Variants in LRRIQ1 observed in about 807,000 individuals in gnomAD.
LRRIQ1 encodes the protein leucine rich repeats and IQ motif containing 1, also known as leucine-rich repeat- and IQ domain-containing protein 1.
In LRRIQ1, 210 loss-of-function variants were observed where a neutral mutation model predicts 211.9. The ratio of observed to expected loss-of-function variants is 0.99; its 90% confidence interval spans 0.89 to 1.11. The LOEUF is 1.11. Ranked by LOEUF, LRRIQ1 falls within the 50% of genes most tolerant of loss-of-function variation. The pLI is 0.00. For missense variants in LRRIQ1, 2,136 were observed against 1,939.5 expected, an observed-to-expected ratio of 1.10 and a Z score of -1.90; for synonymous variants, 699 against 650.1, an observed-to-expected ratio of 1.08 and a Z score of -1.14.
chr12:85,080,812 G>T (rs1884205094), intron 11 of LRRIQ1, among the ~76,000 whole-genome samples: 1 of 150,986 alleles, frequency 6.6e-6, no homozygotes, highest in African/African-American at 2.4e-5. Flanking sequence ...ATTTCCAGTG[G>T]GTAGTTTCTA....
At chr12:85,117,121 C>T (rs1315010984) in intron 15 of LRRIQ1, among the ~76,000 whole-genome samples, 1 of 152,250 alleles carries the variant, frequency 6.6e-6, no homozygotes, top group South Asian at 2.1e-4. Context: ...GTGTTGGAGG[C>T]ACACTATAAG....
chr12:85,227,380 T>C (rs531790706), intron 24 of LRRIQ1, among the ~76,000 whole-genome samples: 19 of 152,302 alleles, frequency 1.2e-4, no homozygotes, highest in African/African-American at 4.6e-4. Flanking sequence ...ACCCATTAAC[T>C]CGTCATTTAG....
chr12:85,106,207 C>T (rs1234435104), intron 14 of LRRIQ1, among the ~76,000 whole-genome samples: 1 of 152,128 alleles, frequency 6.6e-6, no homozygotes, highest in Non-Finnish European at 1.5e-5. Context: ...TTTGTGCTTA[C>T]AATCTGTCAC....
At chr12:85,098,694 T>A in intron 12 of LRRIQ1, 146 bp downstream of exon 12, 2 of 734,466 alleles carry the variant, frequency 2.7e-6, no homozygotes, top group Non-Finnish European at 4.2e-6. Flanking sequence ...TATTAAATAT[T>A]ATACAGTTAA....
At chr12:85,192,277 G>A (rs1892555204) in intron 24 of LRRIQ1, among the ~76,000 whole-genome samples, 1 of 149,144 alleles carries the variant, frequency 6.7e-6, no homozygotes, top group Non-Finnish European at 1.5e-5. Context: ...CTGTTCCTGT[G>A]TTAGTTTGCT....
intron 24 of LRRIQ1, among the ~76,000 whole-genome samples, chr12:85,220,660 A>ATTG (rs1894357507): frequency 6.7e-6 from 1 of 149,752 alleles, no homozygotes; most frequent in African/African-American, 2.4e-5. Context: ...TATTATTATT[A>ATTG]TACTTTAAGT....
chr12:85,250,063 AC>A (rs563227350), downstream of LRRIQ1, among the ~76,000 whole-genome samples: 59 of 151,896 alleles, frequency 3.9e-4, no homozygotes, highest in African/African-American at 1.4e-3. Flanking sequence ...TATTCTAGAT[AC>A]CTAGAACAAT....
At chr12:85,112,078 T>G (rs1024390019) in intron 15 of LRRIQ1, among the ~76,000 whole-genome samples, 10 of 151,956 alleles carry the variant, frequency 6.6e-5, no homozygotes, top group African/African-American at 2.4e-4. Context: ...CTAAAAAATG[T>G]CAAAATATCT....
the LRRIQ1 span, among the ~76,000 whole-genome samples, chr12:85,271,080 T>C: frequency 6.6e-6 from 1 of 152,184 alleles, no homozygotes; most frequent in Non-Finnish European, 1.5e-5. Context: ...AGGCAAAATA[T>C]AAGAAGTTAT....
At chr12:85,179,014 A>G (rs1412225887) in intron 24 of LRRIQ1, among the ~76,000 whole-genome samples, 1 of 151,888 alleles carries the variant, frequency 6.6e-6, no homozygotes, top group East Asian at 1.9e-4. Context: ...CTATGGCACA[A>G]TGGAAAGATC....
intron 16 of LRRIQ1, among the ~76,000 whole-genome samples, chr12:85,123,670 A>T (rs554070550): frequency 1.3e-5 from 2 of 152,156 alleles, no homozygotes; most frequent in Non-Finnish European, 2.9e-5. Context: ...TCCAATACAA[A>T]TATTTTGCGT....
chr12:85,044,832 A>AAGTC, intron 4 of LRRIQ1, 23 bp downstream of exon 4: 2 of 1,099,020 alleles, frequency 1.8e-6, no homozygotes, highest in Non-Finnish European at 2.7e-6. Flanking sequence ...TATTTGACTT[A>AAGTC]AAATATTCAC....
intron 26 of LRRIQ1, among the ~76,000 whole-genome samples, chr12:85,242,702 C>T (rs886355346): frequency 6.6e-6 from 1 of 151,880 alleles, no homozygotes; most frequent in Non-Finnish European, 1.5e-5. Context: ...TGTTGCATAT[C>T]GCTGTGCCAG....
downstream of LRRIQ1, among the ~76,000 whole-genome samples, chr12:85,264,999 GT>G (rs1280509733): frequency 1.3e-5 from 2 of 152,036 alleles, no homozygotes; most frequent in Non-Finnish European, 2.9e-5. Context: ...GGTAGGGGGT[GT>G]TTGGAGATTT....
At chr12:85,062,597 A>C (rs919121704) in intron 8 of LRRIQ1, among the ~76,000 whole-genome samples, 1 of 148,660 alleles carries the variant, frequency 6.7e-6, no homozygotes, top group East Asian at 2.0e-4. Context: ...AATCTAATCC[A>C]CTGTTGATGA....
intron 1 of LRRIQ1, among the ~76,000 whole-genome samples, chr12:85,254,360 A>G (rs1207786974): frequency 2.6e-5 from 4 of 152,174 alleles, no homozygotes; most frequent in African/African-American, 4.8e-5. Context: ...ATGTTTAACT[A>G]GCATTTTGAA....
chr12:85,137,353 A>T (rs1889207662), intron 18 of LRRIQ1, among the ~76,000 whole-genome samples: 1 of 151,626 alleles, frequency 6.6e-6, no homozygotes, highest in South Asian at 2.1e-4. Context: ...GAGGAATCTG[A>T]ATATTTTAAA....
At chr12:85,060,754 A>T (rs1881698978) in intron 8 of LRRIQ1, among the ~76,000 whole-genome samples, 4 of 151,970 alleles carry the variant, frequency 2.6e-5, no homozygotes, top group Non-Finnish European at 4.4e-5. Context: ...AAGTAAAAAA[A>T]AAATAAAATA....
chr12:85,124,107 C>A lies in LRRIQ1; in HGVS notation c.3595C>A (p.His1199Asn). The A allele has an allele frequency of 6.2e-7, 1 of 1,613,524 alleles. No homozygotes were observed. The highest frequency in any genetic ancestry group is 8.5e-7 in the Non-Finnish European group (1 of 1,179,606). ...CTTGGATACTGCAGAAAATCTCTGT[C>A]ATTATTTTAAGAAATTGATGATACT... ...FTLDTAENLC[H>N]YFKKLMILST... Residue 1199 changes from histidine (H) to asparagine (N), a missense_variant, in exon 17 of 27, where the codon CAT (histidine) becomes AAT (asparagine). By Grantham distance (68) the His-to-Asn change is moderately conservative. Coordinates refer to ENST00000393217, the MANE Select transcript of LRRIQ1 (RefSeq NM_001079910.2).
Sources: gnomAD v4.1 joint callset for allele counts (sites outside exome capture counted in the v4.1 genomes callset) on GRCh38, gnomAD v4.1.1 for gene constraint, MANE v1.5 for transcripts, NCBI Gene and HGNC (gene_info 2026-07-23, HGNC 2026-07-21) for gene names.